Variants in SRFBP1 observed in about 807,000 individuals in gnomAD.
SRFBP1 encodes serum response factor binding protein 1.
In SRFBP1, 47 loss-of-function variants were observed where a neutral mutation model predicts 45.5. The observed-to-expected ratio is 1.03, with a 90% CI of 0.82 to 1.32. SRFBP1 has a LOEUF of 1.32. SRFBP1 is among the 40% of genes most tolerant of loss of function. SRFBP1 has a pLI of 0.00. For synonymous variants in SRFBP1, 203 were observed against 166.3 expected (o/e 1.22, Z -1.70); for missense variants, 621 against 484.6 (o/e 1.28, Z -2.64).
At chr5:122,057,736 T>C (rs376418638) in intron 2 of SRFBP1, among the ~76,000 whole-genome samples, 1 of 152,140 alleles carries the variant, frequency 6.6e-6, no homozygotes, top group Non-Finnish European at 1.5e-5. Flanking sequence ...GAGAATTTTA[T>C]AGTAGATGGA....
exon 3 of SRFBP1, chr5:122,075,404 T>C: frequency 1.2e-6 from 2 of 1,602,168 alleles, no homozygotes; most frequent in Non-Finnish European, 1.7e-6. Flanking sequence ...ATTTACTTAC[T>C]GATGACAACT....
downstream of SRFBP1, chr5:122,077,130 G>T: frequency 6.7e-7 from 1 of 1,481,804 alleles, no homozygotes; most frequent in Non-Finnish European, 8.9e-7. The surrounding 1 kb of genome is among the most constrained non-coding windows in gnomAD (Gnocchi z 4.9). Context: ...GCGGAGGACA[G>T]CAAGAGAACT....
At chr5:122,056,662 GT>G (rs975920351) in intron 2 of SRFBP1, among the ~76,000 whole-genome samples, 8 of 152,104 alleles carry the variant, frequency 5.3e-5, no homozygotes, top group African/African-American at 9.7e-5. Context: ...TCCTAATTTT[GT>G]TTAAAAAGTA....
chr5:121,991,830 C>T (rs1442656285), intron 3 of SRFBP1, among the ~76,000 whole-genome samples: 1 of 151,988 alleles, frequency 6.6e-6, no homozygotes, highest in Non-Finnish European at 1.5e-5. Context: ...CTTTTAATGA[C>T]ACATATAGCT....
intron 1 of SRFBP1, among the ~76,000 whole-genome samples, chr5:121,972,297 T>A (rs765891601): frequency 6.6e-6 from 1 of 151,940 alleles, no homozygotes; most frequent in Non-Finnish European, 1.5e-5. Context: ...GAAGTACATT[T>A]GCATTCATGG....
chr5:122,077,390 T>A, downstream of SRFBP1: 1 of 1,613,982 alleles, frequency 6.2e-7, no homozygotes, highest in Non-Finnish European at 8.5e-7. The surrounding 1 kb of genome is among the most constrained non-coding windows in gnomAD (Gnocchi z 4.9). Flanking sequence ...TCCGGGCCGG[T>A]ACCTGCCCCC....
chr5:121,966,482 T>C (rs1241604792), intron 1 of SRFBP1, among the ~76,000 whole-genome samples: 1 of 152,230 alleles, frequency 6.6e-6, no homozygotes, highest in Admixed American at 6.5e-5. Flanking sequence ...ATAGCATAAC[T>C]GTCAACTAAT....
chr5:122,043,201 C>T (rs1259601615), intron 2 of SRFBP1, among the ~76,000 whole-genome samples: 1 of 151,888 alleles, frequency 6.6e-6, no homozygotes, highest in African/African-American at 2.4e-5. Flanking sequence ...ATCTGTCTCA[C>T]TATTTTCTTT....
At chr5:121,973,662 G>A (rs1466823773) in intron 1 of SRFBP1, among the ~76,000 whole-genome samples, 1 of 151,438 alleles carries the variant, frequency 6.6e-6, no homozygotes, top group African/African-American at 2.4e-5. Context: ...TGCACACAAT[G>A]CCCTTGTGTT....
At chr5:121,983,350 T>C (rs908630222) in intron 3 of SRFBP1, among the ~76,000 whole-genome samples, 1 of 151,788 alleles carries the variant, frequency 6.6e-6, no homozygotes, top group Admixed American at 6.6e-5. Flanking sequence ...TTGCTGGGTG[T>C]CATTTTCTCT....
At chr5:122,072,247 A>C (rs973775310) in intron 2 of SRFBP1, among the ~76,000 whole-genome samples, 6 of 152,202 alleles carry the variant, frequency 3.9e-5, no homozygotes, top group Non-Finnish European at 7.3e-5. Context: ...CGAGTTCATA[A>C]GCTGGCAGAA....
intron 2 of SRFBP1, among the ~76,000 whole-genome samples, chr5:122,034,640 CTAT>C (rs994417611): frequency 6.6e-5 from 10 of 151,680 alleles, no homozygotes; most frequent in African/African-American, 2.4e-4. Flanking sequence ...ATCATATAAC[CTAT>C]TATTATTATA....
chr5:122,004,061 A>C (rs556498921), intron 4 of SRFBP1, among the ~76,000 whole-genome samples: 2 of 152,134 alleles, frequency 1.3e-5, no homozygotes, highest in African/African-American at 4.8e-5. Flanking sequence ...CAGCCTCCCA[A>C]GGTGGGAGGT....
intron 3 of SRFBP1, among the ~76,000 whole-genome samples, chr5:121,983,703 T>C (rs1752460670): frequency 6.6e-6 from 1 of 151,776 alleles, no homozygotes; most frequent in South Asian, 2.1e-4. Flanking sequence ...GCATTCAGCT[T>C]AATTTTTAGA....
At chr5:122,067,210 C>T (rs1413993919) in intron 2 of SRFBP1, among the ~76,000 whole-genome samples, 2 of 151,962 alleles carry the variant, frequency 1.3e-5, no homozygotes, top group Non-Finnish European at 2.9e-5. Flanking sequence ...ATATTACTGT[C>T]TTTAAATGTG....
At chr5:121,978,629 C>T (rs747719760) in intron 3 of SRFBP1, among the ~76,000 whole-genome samples, 10 of 152,060 alleles carry the variant, frequency 6.6e-5, no homozygotes, top group Non-Finnish European at 1.5e-4. Flanking sequence ...GTAACTGGGA[C>T]TACAGTTGCC....
Position 122,075,516 on chromosome 5 carries a change from C to G in SRFBP1, n.513C>G. ...CTGAGCAGCACCCTGTGATCATAATCTCTGACATCTGCCCTGTATGCTGTA... is the reference window on the plus strand; with the variant it reads ...CTGAGCAGCACCCTGTGATCATAATGTCTGACATCTGCCCTGTATGCTGTA... On this transcript the variant is annotated non_coding_transcript_exon_variant, in exon 3 of 3. Transcript: ENST00000504881. 1 of 1,611,852 alleles carries G rather than the reference C, an allele frequency of 6.2e-7. No individual in the cohort carries two copies. The highest frequency in any genetic ancestry group is 8.5e-7 in the Non-Finnish European group (1 of 1,178,986).
At chr5:122,017,405 G>A (rs540065023) in intron 4 of SRFBP1, among the ~76,000 whole-genome samples, 17 of 152,238 alleles carry the variant, frequency 1.1e-4, no homozygotes, top group South Asian at 4.1e-4. Flanking sequence ...TAGTGTTCAC[G>A]TAGTCTTTAC....
At chr5:122,024,308 T>C (rs1257877108) in intron 7 of SRFBP1, among the ~76,000 whole-genome samples, 4 of 152,230 alleles carry the variant, frequency 2.6e-5, no homozygotes, top group African/African-American at 9.6e-5. Flanking sequence ...TTCTCAGTTA[T>C]CTGTTTCCTT....
Sources: allele counts gnomAD v4.1 joint callset (sites outside exome capture counted in the v4.1 genomes callset), GRCh38; gene constraint gnomAD v4.1.1; non-coding constraint Gnocchi (gnomAD v3.1); transcripts MANE v1.5; gene names NCBI Gene and HGNC (gene_info 2026-07-23, HGNC 2026-07-21).